ZNF334: variants seen among roughly 807,000 people sequenced by gnomAD.
The protein encoded by ZNF334 is zinc finger protein 334.
ZNF334 carries 14 observed loss-of-function variants against 12.4 expected under a neutral mutation model. That is an observed-to-expected ratio of 1.13 (90% CI 0.74 to 1.76). The LOEUF (loss-of-function observed/expected upper bound fraction) is 1.76, where lower values mean the gene tolerates loss of function less well. Among genes scored for constraint, ZNF334 ranks in the 40% most tolerant of loss-of-function variants. ZNF334 has a pLI of 0.00. For missense variants in ZNF334, 797 were observed against 804.5 expected (o/e 0.99, Z 0.11); for synonymous variants, 273 against 269.6 (o/e 1.01, Z -0.12).
the ZNF334 span, among the ~76,000 whole-genome samples, chr20:46,482,736 AGGG>A: frequency 1.3e-5 from 2 of 152,190 alleles, no homozygotes; most frequent in Non-Finnish European, 2.9e-5. Flanking sequence ...TCAATGACAC[AGGG>A]GAATATGTCT....
chr20:46,491,640 C>T, the ZNF334 span: 2 of 152,632 alleles, frequency 1.3e-5, no homozygotes, highest in Admixed American at 6.5e-5. Context: ...CAAATCCATA[C>T]CGGAAAGAAG....
At chr20:46,498,543 T>C (rs2061062498), downstream of ZNF334, among the ~76,000 whole-genome samples, 1 of 152,196 alleles carries the variant, frequency 6.6e-6, no homozygotes, top group Non-Finnish European at 1.5e-5. Flanking sequence ...CTCAAAGACC[T>C]TGAGCCTGAA....
chr20:46,462,532 C>A, the ZNF334 span, among the ~76,000 whole-genome samples: 2 of 152,150 alleles, frequency 1.3e-5, no homozygotes, highest in Non-Finnish European at 2.9e-5. Flanking sequence ...AACAAAACAC[C>A]TCGAATGGTG....
intron 2 of ZNF334, among the ~76,000 whole-genome samples, chr20:46,510,888 T>A (rs2061627007): frequency 6.6e-6 from 1 of 151,882 alleles, no homozygotes; most frequent in Admixed American, 6.6e-5. Flanking sequence ...CCATGTTGGA[T>A]ATGAGGACTC....
chr20:46,483,916 T>C, the ZNF334 span, among the ~76,000 whole-genome samples: 2 of 152,248 alleles, frequency 1.3e-5, no homozygotes, highest in Non-Finnish European at 2.9e-5. Context: ...AATTTATGTA[T>C]ATACTTGGGA....
chr20:46,496,316 C>G (rs1157297764), downstream of ZNF334, among the ~76,000 whole-genome samples: 1 of 152,236 alleles, frequency 6.6e-6, no homozygotes, highest in Non-Finnish European at 1.5e-5. Context: ...GCCTCTTCCA[C>G]TCCCCAGAAT....
At chr20:46,486,380 C>G in the ZNF334 span, among the ~76,000 whole-genome samples, 1 of 152,124 alleles carries the variant, frequency 6.6e-6, no homozygotes, top group Non-Finnish European at 1.5e-5. Flanking sequence ...TGTCACTGCA[C>G]TCCAGCCTGG....
rs2061703319 is a variant in ZNF334, at chr20:46,512,902, T to A, written c.-401A>T. On this transcript the variant is annotated 5_prime_UTR_variant, in exon 1 of 5. Coordinates refer to ENST00000692313, the MANE Select transcript of ZNF334 (RefSeq NM_001353824.2). ...TAAACTCAGTAAATCCCAGGTGAGG[T>A]GATGAACATGGTTGGTGCAGCTCTG... 6.6e-6 allele frequency: 1 copy of A among 152,198 alleles called. No individual in the cohort carries two copies. Among genetic ancestry groups the A allele is most frequent in the Non-Finnish European group, 1.5e-5 (1 of 68,068 alleles). The allele number at this position is 152,198 out of a possible 1,614,324, so 9.4% of individuals were successfully genotyped here. A position where few individuals can be genotyped will look rare whatever the true frequency, so the allele number is the denominator to read the frequency against.
chr20:46,481,892 G>A, the ZNF334 span, among the ~76,000 whole-genome samples: 1 of 152,182 alleles, frequency 6.6e-6, no homozygotes, highest in Non-Finnish European at 1.5e-5. Context: ...CCTGGAAGCT[G>A]TGAATGTGTT....
intron 2 of ZNF334, chr20:46,509,688 G>A: frequency 1.4e-6 from 1 of 702,830 alleles, no homozygotes; most frequent in South Asian, 1.5e-5. Flanking sequence ...GCATCATCTG[G>A]CTCCACCATC....
chr20:46,488,757 T>A, the ZNF334 span, among the ~76,000 whole-genome samples: 1 of 151,754 alleles, frequency 6.6e-6, no homozygotes, highest in Non-Finnish European at 1.5e-5. Context: ...CTTTTGTTTG[T>A]CTTCATTTTT....
chr20:46,512,017 C>A, intron 2 of ZNF334, 65 bp downstream of exon 2: 2 of 1,539,244 alleles, frequency 1.3e-6, no homozygotes, highest in Non-Finnish European at 1.8e-6. Context: ...GTTTCATCTG[C>A]AAACTACTCT....
the ZNF334 span, among the ~76,000 whole-genome samples, chr20:46,470,525 T>C: frequency 1.8e-3 from 280 of 152,324 alleles, no homozygotes; most frequent in African/African-American, 5.7e-3. Flanking sequence ...GGAATCACTG[T>C]AGCCATTTTA....
the ZNF334 span, among the ~76,000 whole-genome samples, chr20:46,483,507 A>G: frequency 2.6e-5 from 4 of 152,174 alleles, no homozygotes; most frequent in African/African-American, 9.7e-5. Context: ...ACATTTTAAT[A>G]GTTTTAATAA....
the ZNF334 span, among the ~76,000 whole-genome samples, chr20:46,473,372 C>T: frequency 1.3e-5 from 2 of 152,170 alleles, no homozygotes; most frequent in African/African-American, 4.8e-5. Context: ...TTTGGTATTT[C>T]TTTGTTTATA....
At chr20:46,469,740 T>C in the ZNF334 span, among the ~76,000 whole-genome samples, 2 of 152,078 alleles carry the variant, frequency 1.3e-5, no homozygotes, top group Non-Finnish European at 2.9e-5. Context: ...TGTTTTCTTG[T>C]AGATTCTTAG....
the ZNF334 span, among the ~76,000 whole-genome samples, chr20:46,469,663 C>T: frequency 2.6e-5 from 4 of 152,154 alleles, no homozygotes; most frequent in Non-Finnish European, 5.9e-5. Flanking sequence ...TGTGCCACTG[C>T]GCCTGGCCCC....
At chr20:46,464,213 C>A in the ZNF334 span, 1 of 530,226 alleles carries the variant, frequency 1.9e-6, no homozygotes. Context: ...TCATCAAAAT[C>A]CCTGCACGCC....
At chr20:46,486,841 G>A in the ZNF334 span, among the ~76,000 whole-genome samples, 1 of 151,972 alleles carries the variant, frequency 6.6e-6, no homozygotes, top group African/African-American at 2.4e-5. Flanking sequence ...GCTCCATTTT[G>A]GTAGTTTTGT....
Sources: allele counts gnomAD v4.1 joint callset (sites outside exome capture counted in the v4.1 genomes callset), GRCh38; gene constraint gnomAD v4.1.1; transcripts MANE v1.5; gene names NCBI Gene and HGNC (gene_info 2026-07-23, HGNC 2026-07-21).